TRABD2B: variants seen among roughly 807,000 people sequenced by gnomAD.
The protein encoded by TRABD2B is metalloprotease TIKI2.
In TRABD2B, 14 loss-of-function variants were observed where a neutral mutation model predicts 40.1. The observed-to-expected ratio is 0.35, with a 90% CI of 0.23 to 0.55. The LOEUF is 0.55. Among genes scored for constraint, TRABD2B ranks in the 20% least tolerant of loss-of-function variants. TRABD2B has a pLI of 0.90. For synonymous variants in TRABD2B, 263 were observed against 277.0 expected (o/e 0.95, Z 0.50); for missense variants, 541 against 648.6 (o/e 0.83, Z 1.80).
intron 2 of TRABD2B, among the ~76,000 whole-genome samples, chr1:47,828,986 C>A (rs1645213749): frequency 6.6e-6 from 1 of 152,166 alleles, no homozygotes; most frequent in African/African-American, 2.4e-5. Flanking sequence ...ATGCAGGAAC[C>A]ATGGCTGGAG....
intron 2 of TRABD2B, among the ~76,000 whole-genome samples, chr1:47,827,659 T>C (rs376753700): frequency 6.6e-6 from 1 of 152,164 alleles, no homozygotes; most frequent in African/African-American, 2.4e-5. Context: ...GTCACTGCTC[T>C]GAGAATGGGA....
chr1:47,822,090 C>T (rs1028317956), intron 2 of TRABD2B, among the ~76,000 whole-genome samples: 5 of 152,004 alleles, frequency 3.3e-5, no homozygotes, highest in East Asian at 1.9e-4. Context: ...CACAAAGGTA[C>T]GTTTCATGTA....
chr1:47,988,531 G>T (rs1431451055), intron 2 of TRABD2B, among the ~76,000 whole-genome samples: 1 of 152,186 alleles, frequency 6.6e-6, no homozygotes, highest in African/African-American at 2.4e-5. Flanking sequence ...AGCAGCCTGT[G>T]CCGTGACAGG....
intron 2 of TRABD2B, among the ~76,000 whole-genome samples, chr1:47,805,637 C>T (rs1644881317): frequency 6.6e-6 from 1 of 152,288 alleles, no homozygotes; most frequent in East Asian, 1.9e-4. Context: ...GCGCACTTTC[C>T]CTTACACCTC....
intron 2 of TRABD2B, among the ~76,000 whole-genome samples, chr1:47,849,124 T>A (rs534350856): frequency 1.3e-5 from 2 of 152,168 alleles, no homozygotes; most frequent in Non-Finnish European, 2.9e-5. Context: ...TCCTACTCCC[T>A]CCTAATTCAT....
intron 1 of TRABD2B, among the ~76,000 whole-genome samples, chr1:47,995,364 C>T (rs1646073938): frequency 6.6e-6 from 1 of 152,120 alleles, no homozygotes; most frequent in South Asian, 2.1e-4. Context: ...GAAAGGATTC[C>T]ATTACAATTA....
At chr1:47,771,933 C>G (rs1017049453) in intron 6 of TRABD2B, among the ~76,000 whole-genome samples, 1 of 152,192 alleles carries the variant, frequency 6.6e-6, no homozygotes, top group Non-Finnish European at 1.5e-5. Flanking sequence ...CTCACTCCCT[C>G]CTTCTCACAC....
At chr1:47,885,250 T>G (rs1644355168) in intron 2 of TRABD2B, among the ~76,000 whole-genome samples, 1 of 152,232 alleles carries the variant, frequency 6.6e-6, no homozygotes, top group South Asian at 2.1e-4. Context: ...AACCAACTCC[T>G]ACACATCCTT....
chr1:47,912,867 G>A (rs1644781408), intron 2 of TRABD2B, among the ~76,000 whole-genome samples: 1 of 152,126 alleles, frequency 6.6e-6, no homozygotes. Flanking sequence ...CCAGGGCATG[G>A]GGGAAGCCTG....
At chr1:47,968,898 T>C (rs1201135215) in intron 2 of TRABD2B, among the ~76,000 whole-genome samples, 1 of 152,232 alleles carries the variant, frequency 6.6e-6, no homozygotes, top group Non-Finnish European at 1.5e-5. Flanking sequence ...GGCCACTCCC[T>C]GACAGTAGAG....
chr1:47,801,572 C>G lies in TRABD2B; in HGVS notation c.714G>C (p.Arg238=). 6.5e-7 allele frequency: 1 copy of G among 1,535,980 alleles called. No individual in the cohort carries two copies. Residue 238 remains arginine (R), a synonymous_variant, in exon 3 of 7, where the codon CGG becomes CGC. Transcript: ENST00000606738. ...TGTAGGAGGCCTGCAGGCTCCCGGC[C>G]CGCACACTCTCCTGCTGCAGCAGGG... ...NQTLLQQESV[R]AGSLQASYTT...
chr1:47,856,748 A>G (rs1407965967), intron 2 of TRABD2B, among the ~76,000 whole-genome samples: 1 of 152,212 alleles, frequency 6.6e-6, no homozygotes, highest in Non-Finnish European at 1.5e-5. Context: ...CACCTATGCT[A>G]AAAGAGATTT....
intron 2 of TRABD2B, among the ~76,000 whole-genome samples, chr1:47,834,544 G>C (rs887422581): frequency 7.9e-5 from 12 of 151,032 alleles, no homozygotes; most frequent in African/African-American, 2.9e-4. Flanking sequence ...GCATGGATGG[G>C]TGTTAAGGAT....
At position 47,997,038 on chromosome 1, in the gene TRABD2B, C is replaced by T; in HGVS notation, c.-249G>A. 9.4e-7 allele frequency: 1 copy of T among 1,059,980 alleles called. No homozygotes were observed. Among genetic ancestry groups the T allele is most frequent in the Non-Finnish European group, 1.1e-6 (1 of 879,584 alleles). 65.7% of individuals were successfully genotyped at this position (1,059,980 alleles called of 1,614,324 possible). ...TCCCCCGGGCGCTCAACCTCGCTGG[C>T]CGAGCCCCCGGGTGCTGAGGGCGTG... On this transcript the variant is annotated 5_prime_UTR_variant, in exon 1 of 7. Transcript: ENST00000606738.
At chr1:47,785,184 G>A (rs1406095110) in intron 4 of TRABD2B, among the ~76,000 whole-genome samples, 1 of 152,150 alleles carries the variant, frequency 6.6e-6, no homozygotes, top group Non-Finnish European at 1.5e-5. Context: ...GAACACGAGG[G>A]TGTCCCTCCT....
At chr1:47,993,827 C>G (rs932748412) in intron 2 of TRABD2B, among the ~76,000 whole-genome samples, 1 of 152,228 alleles carries the variant, frequency 6.6e-6, no homozygotes, top group African/African-American at 2.4e-5. Flanking sequence ...CACGCAGACT[C>G]TTACCCCAAA....
intron 2 of TRABD2B, among the ~76,000 whole-genome samples, chr1:47,909,175 T>C (rs1644716842): frequency 6.6e-6 from 1 of 152,238 alleles, no homozygotes. Flanking sequence ...TAATTTTCTC[T>C]TTAACTGTGC....
intron 2 of TRABD2B, among the ~76,000 whole-genome samples, chr1:47,918,186 A>G (rs1240776096): frequency 6.6e-6 from 1 of 152,232 alleles, no homozygotes; most frequent in Non-Finnish European, 1.5e-5. Flanking sequence ...ACCACACTGC[A>G]TGGAAGGCAA....
intron 2 of TRABD2B, among the ~76,000 whole-genome samples, chr1:47,924,138 G>A (rs1159000299): frequency 1.3e-5 from 2 of 152,052 alleles, no homozygotes; most frequent in Non-Finnish European, 2.9e-5. Flanking sequence ...CTCTGCCACG[G>A]AATACGTGGG....
Sources: gnomAD v4.1 joint callset for allele counts (sites outside exome capture counted in the v4.1 genomes callset) on GRCh38, gnomAD v4.1.1 for gene constraint, MANE v1.5 for transcripts, NCBI Gene and HGNC (gene_info 2026-07-23, HGNC 2026-07-21) for gene names.